SUV39H2: variants seen among roughly 807,000 people sequenced by gnomAD.
SUV39H2 encodes the protein histone-lysine N-methyltransferase SUV39H2.
A neutral mutation model predicts 47.5 loss-of-function variants in SUV39H2; 10 were observed. That is an observed-to-expected ratio of 0.21 (90% confidence interval 0.13 to 0.36). The LOEUF (loss-of-function observed/expected upper bound fraction) is 0.36. SUV39H2 is among the 10% of genes least tolerant of loss of function. The pLI, the probability that SUV39H2 is intolerant of heterozygous loss-of-function variation, is 1.00. For synonymous variants in SUV39H2, 159 were observed against 166.8 expected, an observed-to-expected ratio of 0.95 and a Z score of 0.36; for missense variants, 266 against 487.4, an observed-to-expected ratio of 0.55 and a Z score of 4.28.
chr10:14,880,296 C>T (rs1269083269), intron 1 of SUV39H2, among the ~76,000 whole-genome samples: 1 of 152,162 alleles, frequency 6.6e-6, no homozygotes, highest in Non-Finnish European at 1.5e-5. Context: ...AATGAAGTTT[C>T]TGTGTGAGGT....
chr10:14,887,246 A>T lies in SUV39H2; in HGVS notation c.177+5601A>T, dbSNP rs537172302. Reference sequence around the variant, plus strand: ...TAGGTGCACGGTTCTTTTGTTTTTTAAAAAAAAATAAGGATGTAAAATGTA... The same window carrying T: ...TAGGTGCACGGTTCTTTTGTTTTTTTAAAAAAAATAAGGATGTAAAATGTA... On this transcript the variant is annotated intron_variant, in intron 2 of 5. Transcript: ENST00000354919. Among the ~76,000 whole-genome samples the T allele has an allele frequency of 6.3e-4, 96 of 151,666 alleles. 1 individual carries two copies. The highest frequency in any genetic ancestry group is 4.3e-3 in the East Asian group (22 of 5,160).
intron 2 of SUV39H2, among the ~76,000 whole-genome samples, chr10:14,885,155 A>C (rs574217009): frequency 6.6e-6 from 1 of 152,026 alleles, no homozygotes; most frequent in African/African-American, 2.4e-5. Flanking sequence ...AGTGGTTTCT[A>C]CTTGTATGTG....
At chr10:14,899,505 G>A (rs1833847538) in intron 3 of SUV39H2, 34 bp from the exon 4 acceptor site, 1 of 1,607,550 alleles carries the variant, frequency 6.2e-7, no homozygotes, top group African/African-American at 1.3e-5. Flanking sequence ...TGGTTCAGTA[G>A]CTACGTAATA....
At chr10:14,888,645 A>G (rs1833289560) in intron 2 of SUV39H2, among the ~76,000 whole-genome samples, 1 of 152,010 alleles carries the variant, frequency 6.6e-6, no homozygotes, top group African/African-American at 2.4e-5. Context: ...AAAAAAAAAA[A>G]GAAAGAAAAT....
intron 1 of SUV39H2, 34 bp from the exon 2 acceptor site, chr10:14,881,466 T>C (rs754619700): frequency 4.3e-6 from 6 of 1,408,544 alleles, no homozygotes; most frequent in Non-Finnish European, 5.6e-6. Flanking sequence ...GAATAGCTAT[T>C]TCATTAGTAA....
At chr10:14,885,495 G>A (rs542359227) in intron 2 of SUV39H2, among the ~76,000 whole-genome samples, 6 of 152,154 alleles carry the variant, frequency 3.9e-5, no homozygotes, top group Non-Finnish European at 8.8e-5. Flanking sequence ...TTACTTACGG[G>A]TCTGTGCTTA....
chr10:14,901,315 A>G, intron 5 of SUV39H2, 53 bp downstream of exon 5: 1 of 1,607,822 alleles, frequency 6.2e-7, no homozygotes, highest in Non-Finnish European at 8.5e-7. Flanking sequence ...TGAAGAATCA[A>G]ATCAGACTAG....
intron 5 of SUV39H2, among the ~76,000 whole-genome samples, chr10:14,902,003 T>G (rs749319808): frequency 1.5e-4 from 23 of 152,236 alleles, no homozygotes; most frequent in Non-Finnish European, 2.9e-4. Flanking sequence ...TTTCTTTCCT[T>G]TAAGAATGAT....
Position 14,878,938 on chromosome 10 carries a change from C to A in SUV39H2, c.31+19C>A, listed in dbSNP as rs1832953647. The A allele has an allele frequency of 6.9e-7, 1 of 1,457,712 alleles. No homozygotes were observed. Among genetic ancestry groups the A allele is most frequent in the Non-Finnish European group, 9.1e-7 (1 of 1,101,908 alleles). The allele number at this position is 1,457,712 out of a possible 1,614,324, so 90.3% of individuals were successfully genotyped here. On this transcript the variant is annotated intron_variant, in intron 1 of 5. Transcript: ENST00000354919. Reference sequence around the variant, plus strand: ...CGAGGAGGTGAGGCTGGAGCGCGGCCCCCTCGCCTTCCCTGTTCCCAGGCA... The same window carrying A: ...CGAGGAGGTGAGGCTGGAGCGCGGCACCCTCGCCTTCCCTGTTCCCAGGCA...
intron 2 of SUV39H2, among the ~76,000 whole-genome samples, chr10:14,887,416 T>A (rs1281290882): frequency 6.6e-6 from 1 of 152,146 alleles, no homozygotes; most frequent in Non-Finnish European, 1.5e-5. Context: ...TAGATTGGGT[T>A]TGGGGACCCA....
At chr10:14,893,330 C>T (rs984371568) in intron 2 of SUV39H2, among the ~76,000 whole-genome samples, 1 of 152,092 alleles carries the variant, frequency 6.6e-6, no homozygotes, top group Non-Finnish European at 1.5e-5. Flanking sequence ...GATGGGGTTT[C>T]ACCATGTTGG....
intron 3 of SUV39H2, 171 bp downstream of exon 3, chr10:14,897,688 A>T (rs1833681222): frequency 1.9e-6 from 1 of 520,604 alleles, no homozygotes; most frequent in South Asian, 9.4e-5. Flanking sequence ...ATTTAGAAAT[A>T]AAAAACTTTT....
chr10:14,896,209 C>G (rs553876685), intron 2 of SUV39H2, among the ~76,000 whole-genome samples: 1 of 152,296 alleles, frequency 6.6e-6, no homozygotes, highest in South Asian at 2.1e-4. Context: ...TCCCAAAATG[C>G]TGGGATTACA....
chr10:14,882,593 T>A (rs1833071939), intron 2 of SUV39H2, among the ~76,000 whole-genome samples: 1 of 152,248 alleles, frequency 6.6e-6, no homozygotes, highest in South Asian at 2.1e-4. Flanking sequence ...AACTTATTTC[T>A]GTTCTCACAC....
At chr10:14,894,630 GTGCTGGGATT>G in intron 2 of SUV39H2, among the ~76,000 whole-genome samples, 1 of 57,496 alleles carries the variant, frequency 1.7e-5, no homozygotes, top group Non-Finnish European at 2.9e-5. Context: ...GCCTCCCAAA[GTGCTGGGATT>G]ACAGGCGTGA....
At position 14,881,678 on chromosome 10, in the gene SUV39H2, C is replaced by A. The variant is rs186006050; in HGVS notation, c.177+33C>A. 2.5e-5 allele frequency: 35 copies of A among 1,391,990 alleles called. No individual in the cohort carries two copies. In the African/African-American group the frequency reaches 4.6e-4, roughly 18 times the overall value. 86.2% of individuals were successfully genotyped at this position (1,391,990 alleles called of 1,614,324 possible). Reference sequence around the variant, plus strand: ...AAATATCTAGCCCCTTACAAGAGACCTAATCAGACTTCAGTATTTCGTATT... The same window carrying A: ...AAATATCTAGCCCCTTACAAGAGACATAATCAGACTTCAGTATTTCGTATT... On this transcript the variant is annotated intron_variant, in intron 2 of 5. Transcript: ENST00000354919.
chr10:14,886,146 A>G (rs1291276724), intron 2 of SUV39H2, among the ~76,000 whole-genome samples: 1 of 152,250 alleles, frequency 6.6e-6, no homozygotes, highest in Non-Finnish European at 1.5e-5. Flanking sequence ...TTGGAAACAT[A>G]GCTGAAGAAC....
intron 2 of SUV39H2, among the ~76,000 whole-genome samples, chr10:14,882,349 A>G (rs996753944): frequency 1.2e-4 from 18 of 152,122 alleles, no homozygotes; most frequent in African/African-American, 4.3e-4. Context: ...TTAAGTCTTT[A>G]TTTTCCTCCT....
chr10:14,880,639 T>C (rs1241141634), intron 1 of SUV39H2, among the ~76,000 whole-genome samples: 1 of 152,218 alleles, frequency 6.6e-6, no homozygotes, highest in Non-Finnish European at 1.5e-5. Flanking sequence ...CGTGTTAATT[T>C]ACACTTTAAA....
Sources: allele counts gnomAD v4.1 joint callset (sites outside exome capture counted in the v4.1 genomes callset), GRCh38; gene constraint gnomAD v4.1.1; transcripts MANE v1.5; gene names NCBI Gene and HGNC (gene_info 2026-07-23, HGNC 2026-07-21).